The following PREX2 variants were observed in gnomAD, a reference collection of about 807,000 sequenced individuals.
PREX2 encodes phosphatidylinositol 3,4,5-trisphosphate-dependent Rac exchanger 2 protein.
PREX2 carries 107 observed loss-of-function variants against 203.2 expected under a neutral mutation model. The observed-to-expected ratio is 0.53, with a 90% CI of 0.45 to 0.62. PREX2 has a LOEUF of 0.62. Among genes scored for constraint, PREX2 ranks in the 20% least tolerant of loss-of-function variants. PREX2 has a pLI of 0.00. For synonymous variants in PREX2, 672 were observed against 663.6 expected (o/e 1.01, Z -0.19); for missense variants, 1,777 against 1,955.9 (o/e 0.91, Z 1.72).
At chr8:67,980,444 A>G (rs1806234927) in intron 1 of PREX2, among the ~76,000 whole-genome samples, 1 of 148,070 alleles carries the variant, frequency 6.8e-6, no homozygotes, top group Non-Finnish European at 1.5e-5. Context: ...AGGATATGCA[A>G]AATGGAGGGG....
chr8:68,146,732 T>C (rs995269628), intron 34 of PREX2, among the ~76,000 whole-genome samples: 6 of 152,324 alleles, frequency 3.9e-5, no homozygotes, highest in South Asian at 2.1e-4. Context: ...TACTTTAGTC[T>C]CAATTATATC....
chr8:67,973,432 G>A (rs1367109295), intron 1 of PREX2, among the ~76,000 whole-genome samples: 2 of 152,050 alleles, frequency 1.3e-5, no homozygotes, highest in East Asian at 3.9e-4. Context: ...CAAACATCTT[G>A]CTGATCTGCC....
intron 1 of PREX2, among the ~76,000 whole-genome samples, chr8:67,967,314 T>C (rs2129018331): frequency 6.6e-6 from 1 of 152,344 alleles, no homozygotes; most frequent in African/African-American, 2.4e-5. Context: ...TTAACTAGTG[T>C]CATTCTTTAG....
chr8:68,039,084 CTCTT>C (rs1296703863), intron 7 of PREX2, among the ~76,000 whole-genome samples: 1 of 152,166 alleles, frequency 6.6e-6, no homozygotes, highest in Non-Finnish European at 1.5e-5. Context: ...TGTCGAAGAT[CTCTT>C]ATCTCAAATT....
At chr8:68,208,290 G>A (rs1192199671) in intron 37 of PREX2, among the ~76,000 whole-genome samples, 2 of 152,148 alleles carry the variant, frequency 1.3e-5, no homozygotes, top group African/African-American at 4.8e-5. Context: ...TGTAATGGAT[G>A]AGTTTAATTT....
chr8:68,130,416 G>C (rs1453723228), intron 31 of PREX2, among the ~76,000 whole-genome samples: 1 of 152,142 alleles, frequency 6.6e-6, no homozygotes, highest in Non-Finnish European at 1.5e-5. Flanking sequence ...TTTTTGCTGA[G>C]AGTTAGTAGA....
chr8:68,118,713 AATT>A, intron 27 of PREX2, 69 bp downstream of exon 27: 1 of 1,076,760 alleles, frequency 9.3e-7, no homozygotes, highest in Non-Finnish European at 1.4e-6. Flanking sequence ...TTAAGGTTTT[AATT>A]TCGTAGATCC....
chr8:68,079,754 A>G (rs1236234300), intron 15 of PREX2, among the ~76,000 whole-genome samples: 2 of 152,198 alleles, frequency 1.3e-5, no homozygotes, highest in East Asian at 3.8e-4. Context: ...AACAAAACAT[A>G]AACTTTATTT....
intron 16 of PREX2, 24 bp downstream of exon 16, chr8:68,080,609 A>C (rs1265622157): frequency 6.4e-7 from 1 of 1,564,296 alleles, no homozygotes; most frequent in Non-Finnish European, 8.7e-7. Flanking sequence ...TATGTTATAT[A>C]AGTTTTCTTC....
chr8:67,980,260 C>G (rs1007993316), intron 1 of PREX2, among the ~76,000 whole-genome samples: 2 of 152,080 alleles, frequency 1.3e-5, no homozygotes, highest in Non-Finnish European at 2.9e-5. Context: ...ACCATTTTCA[C>G]TGTGAGAAAC....
chr8:68,216,968 C>CAAAAAAAAAAAA (rs59972334), intron 37 of PREX2, among the ~76,000 whole-genome samples: 2 of 112,886 alleles, frequency 1.8e-5, no homozygotes, highest in South Asian at 2.5e-4. Context: ...CTCAAAAAAA[C>CAAAAAAAAAAAA]AAAAAAAAAA....
chr8:68,178,748 CT>C (rs1159730368), intron 35 of PREX2, among the ~76,000 whole-genome samples: 3 of 152,052 alleles, frequency 2.0e-5, no homozygotes, highest in Non-Finnish European at 1.5e-5. Flanking sequence ...GACATTTAAA[CT>C]TTTGTGTTTG....
At chr8:68,095,303 C>A (rs575319678) in intron 21 of PREX2, among the ~76,000 whole-genome samples, 4 of 152,104 alleles carry the variant, frequency 2.6e-5, no homozygotes, top group Non-Finnish European at 5.9e-5. Context: ...GCTCCTACCC[C>A]CTAATCGCAT....
intron 38 of PREX2, among the ~76,000 whole-genome samples, chr8:68,220,865 G>T (rs78167340): frequency 0.012 from 1,763 of 152,224 alleles, 36 homozygotes; most frequent in African/African-American, 0.04. Flanking sequence ...CACAGAACAA[G>T]TTTTTGTTTT....
chr8:67,975,133 C>T (rs1341104272), intron 1 of PREX2, among the ~76,000 whole-genome samples: 1 of 152,134 alleles, frequency 6.6e-6, no homozygotes, highest in Non-Finnish European at 1.5e-5. Context: ...TATTTTGTCC[C>T]TCGCTTTCTC....
intron 9 of PREX2, among the ~76,000 whole-genome samples, chr8:68,055,468 T>TC (rs1808648958): frequency 6.6e-6 from 1 of 151,730 alleles, no homozygotes; most frequent in African/African-American, 2.4e-5. Flanking sequence ...TTATTTTTTT[T>TC]CTACCAGAAC....
At chr8:68,117,009 C>A (rs7834659) in intron 26 of PREX2, among the ~76,000 whole-genome samples, 41,480 of 152,066 alleles carry the variant, frequency 0.27, 5,751 homozygotes, top group South Asian at 0.35. Flanking sequence ...TATACAACTT[C>A]AACATATTTT....
Position 68,030,537 on chromosome 8 carries a change from C to A in PREX2, c.584C>A (p.Ala195Glu). The change falls in exon 6 of 40, where the codon GCA (alanine) becomes GAA (glutamate). Residue 195 changes from alanine to glutamate, a missense_variant. Coordinates refer to ENST00000288368, the MANE Select transcript of PREX2 (RefSeq NM_024870.4). ...KRTPRKHSDY[A>E]AVMEALQAMK... ...ACTCCACGGAAACACAGTGACTATG[C>A]AGCAGTGATGGAAGCCCTCCAAGCC... The A allele has an allele frequency of 6.2e-7, 1 of 1,613,540 alleles. No homozygotes were observed. Among genetic ancestry groups the A allele is most frequent in the Admixed American group, 1.7e-5 (1 of 59,972 alleles).
intron 1 of PREX2, among the ~76,000 whole-genome samples, chr8:68,006,537 T>C (rs957986021): frequency 6.6e-6 from 1 of 152,174 alleles, no homozygotes; most frequent in Non-Finnish European, 1.5e-5. Context: ...TCAGCTACTA[T>C]ATGTCATCTC....
Sources: gnomAD v4.1 joint callset for allele counts (sites outside exome capture counted in the v4.1 genomes callset) on GRCh38, gnomAD v4.1.1 for gene constraint, MANE v1.5 for transcripts, NCBI Gene and HGNC (gene_info 2026-07-23, HGNC 2026-07-21) for gene names.